FSIP1: variants seen among roughly 807,000 people sequenced by gnomAD.
FSIP1 encodes the protein fibrous sheath interacting protein 1.
FSIP1 carries 65 observed loss-of-function variants against 60.9 expected under a neutral mutation model. That is an observed-to-expected ratio of 1.07 (90% confidence interval 0.87 to 1.31). The LOEUF (loss-of-function observed/expected upper bound fraction) is 1.31, where lower values mean the gene tolerates loss of function less well. Ranked by LOEUF, FSIP1 falls within the 40% of genes most tolerant of loss-of-function variation. The probability of loss-of-function intolerance (pLI) is 0.00; values close to 1 mark genes in which losing one functional copy is unlikely to be tolerated. For missense variants in FSIP1, 675 were observed against 665.5 expected, an observed-to-expected ratio of 1.01 and a Z score of -0.16; for synonymous variants, 209 against 221.2, an observed-to-expected ratio of 0.94 and a Z score of 0.49.
At chr15:39,746,716 T>A (rs1384416246) in intron 5 of FSIP1, among the ~76,000 whole-genome samples, 1 of 152,200 alleles carries the variant, frequency 6.6e-6, no homozygotes, top group African/African-American at 2.4e-5. Flanking sequence ...AAAAACTTGT[T>A]GGCATCCTCA....
chr15:39,781,833 G>C (rs950995298), intron 1 of FSIP1, among the ~76,000 whole-genome samples: 1 of 152,242 alleles, frequency 6.6e-6, no homozygotes, highest in Non-Finnish European at 1.5e-5. Context: ...TAAATACAAA[G>C]AGCACTAGGG....
intron 10 of FSIP1, among the ~76,000 whole-genome samples, chr15:39,660,450 G>T (rs930926630): frequency 2.6e-5 from 4 of 152,208 alleles, no homozygotes; most frequent in Non-Finnish European, 5.9e-5. Context: ...TGTTGTAACA[G>T]TTTTAATTGA....
intron 10 of FSIP1, among the ~76,000 whole-genome samples, chr15:39,624,322 G>A (rs1487771191): frequency 1.3e-5 from 2 of 152,230 alleles, no homozygotes; most frequent in African/African-American, 4.8e-5. Flanking sequence ...TGATGGAAGT[G>A]TTTCCAAACT....
chr15:39,645,618 A>G (rs1400113673), intron 10 of FSIP1, among the ~76,000 whole-genome samples: 1 of 149,418 alleles, frequency 6.7e-6, no homozygotes, highest in Non-Finnish European at 1.5e-5. Flanking sequence ...AGCCGGGGAC[A>G]AGCGGGAGCC....
chr15:39,677,955 C>T (rs557918653), intron 10 of FSIP1, among the ~76,000 whole-genome samples: 1 of 151,100 alleles, frequency 6.6e-6, no homozygotes, highest in South Asian at 2.1e-4. Flanking sequence ...AAGATCGCAC[C>T]ACTGCACTAC....
intron 10 of FSIP1, among the ~76,000 whole-genome samples, chr15:39,661,665 T>C (rs1352569427): frequency 1.3e-5 from 2 of 152,134 alleles, no homozygotes; most frequent in African/African-American, 4.8e-5. Flanking sequence ...ATGGGTTTGG[T>C]TATAGATTGC....
At chr15:39,709,130 G>A (rs1895392754) in intron 10 of FSIP1, among the ~76,000 whole-genome samples, 1 of 152,152 alleles carries the variant, frequency 6.6e-6, no homozygotes, top group Non-Finnish European at 1.5e-5. Flanking sequence ...AATCCTAGAT[G>A]CAGGCGTTTC....
intron 11 of FSIP1, among the ~76,000 whole-genome samples, chr15:39,603,193 T>C (rs1890702250): frequency 6.6e-6 from 1 of 152,118 alleles, no homozygotes; most frequent in Admixed American, 6.6e-5. Flanking sequence ...TCTCATGAAA[T>C]GTTTGTGGGG....
chr15:39,635,461 C>T (rs4349120), intron 10 of FSIP1, among the ~76,000 whole-genome samples: 27,580 of 152,068 alleles, frequency 0.18, 3,051 homozygotes, highest in East Asian at 0.32. Flanking sequence ...TTTCCATTTC[C>T]CCAATTACTC....
At chr15:39,630,543 C>A (rs1417029515) in intron 10 of FSIP1, among the ~76,000 whole-genome samples, 1 of 152,194 alleles carries the variant, frequency 6.6e-6, no homozygotes, top group Admixed American at 6.5e-5. Context: ...ATGGAGGGAA[C>A]AGGGCTGATA....
intron 5 of FSIP1, among the ~76,000 whole-genome samples, chr15:39,743,601 T>G (rs1896877810): frequency 6.6e-6 from 1 of 152,174 alleles, no homozygotes; most frequent in Admixed American, 6.5e-5. Context: ...GGTGACAGTT[T>G]GAGGAATAAT....
chr15:39,629,725 T>C (rs183989667), intron 10 of FSIP1, among the ~76,000 whole-genome samples: 7 of 152,358 alleles, frequency 4.6e-5, no homozygotes, highest in Admixed American at 4.6e-4. Context: ...ACTCACATTT[T>C]ATAGGAGCCT....
chr15:39,670,400 T>G (rs1204730727), intron 10 of FSIP1, among the ~76,000 whole-genome samples: 1 of 152,182 alleles, frequency 6.6e-6, no homozygotes, highest in Non-Finnish European at 1.5e-5. Flanking sequence ...AAAAATATAC[T>G]CCTACATATT....
rs745864260 is a variant in FSIP1 at position 39,617,962 on chromosome 15, T to C, written c.1472A>G (p.His491Arg). Residue 491 changes from histidine (H) to arginine (R), a missense_variant, in exon 11 of 12, where the codon CAT becomes CGT. Physicochemically the swap from His to Arg is conservative, Grantham distance 29 (BLOSUM62 0). Transcript: ENST00000350221. ...AGTGACAAGAGCTTCTGACATGTTA[T>C]GTCCAGTCAAGGCTTTAGTGAGATA... is the stretch of plus-strand genomic sequence containing the variant. ...GYYLTKALTGHNMSEALVTEA... is the reference protein window; with the variant it reads ...GYYLTKALTGRNMSEALVTEA... 1 of 1,614,234 alleles carries C rather than the reference T, an allele frequency of 6.2e-7. No individual in the cohort carries two copies. The highest frequency in any genetic ancestry group is 1.1e-5 in the South Asian group (1 of 91,090).
chr15:39,649,735 C>CTGTTGGA (rs1280112885), intron 10 of FSIP1, among the ~76,000 whole-genome samples: 1 of 152,210 alleles, frequency 6.6e-6, no homozygotes, highest in African/African-American at 2.4e-5. Context: ...AAAGCGTTCC[C>CTGTTGGA]TGTCGGATCA....
At chr15:39,751,426 CA>C (rs1441544631) in intron 5 of FSIP1, among the ~76,000 whole-genome samples, 2 of 149,752 alleles carry the variant, frequency 1.3e-5, no homozygotes, top group Non-Finnish European at 3.0e-5. Flanking sequence ...TAAACACACA[CA>C]CACACACACA....
intron 8 of FSIP1, among the ~76,000 whole-genome samples, chr15:39,737,299 T>G (rs1896647089): frequency 6.6e-6 from 1 of 152,106 alleles, no homozygotes; most frequent in Non-Finnish European, 1.5e-5. Context: ...TCTTTCACTT[T>G]AGTCTGTACC....
intron 10 of FSIP1, among the ~76,000 whole-genome samples, chr15:39,675,242 C>T (rs1032672092): frequency 6.6e-6 from 1 of 151,738 alleles, no homozygotes; most frequent in Non-Finnish European, 1.5e-5. Flanking sequence ...TAAACTGGTA[C>T]AACTACTTTG....
At chr15:39,647,853 G>A (rs1892684482) in intron 10 of FSIP1, among the ~76,000 whole-genome samples, 1 of 151,904 alleles carries the variant, frequency 6.6e-6, no homozygotes, top group Non-Finnish European at 1.5e-5. Flanking sequence ...TGTTATATTG[G>A]GAAAAATACT....
Sources: gnomAD v4.1 joint callset for allele counts (sites outside exome capture counted in the v4.1 genomes callset) on GRCh38, gnomAD v4.1.1 for gene constraint, MANE v1.5 for transcripts, NCBI Gene and HGNC (gene_info 2026-07-23, HGNC 2026-07-21) for gene names.